SKOR2: variants seen among roughly 807,000 people sequenced by gnomAD.
SKOR2 encodes LBX1 corepressor 1-like protein.
A neutral mutation model predicts 69.1 loss-of-function variants in SKOR2; 47 were observed. That is an observed-to-expected ratio of 0.68 (90% confidence interval 0.54 to 0.87). The LOEUF is 0.87. SKOR2 is among the 40% of genes least tolerant of loss of function. The probability of loss-of-function intolerance (pLI) is 0.00; values close to 1 mark genes in which losing one functional copy is unlikely to be tolerated. For synonymous variants in SKOR2, 717 were observed against 672.6 expected, an observed-to-expected ratio of 1.07 and a Z score of -1.02; for missense variants, 1,404 against 1,472.2, an observed-to-expected ratio of 0.95 and a Z score of 0.76.
At chr18:47,245,023 C>A in intron 3 of SKOR2, 41 bp from the exon 4 acceptor site, 1 of 1,509,006 alleles carries the variant, frequency 6.6e-7, no homozygotes, top group Non-Finnish European at 8.8e-7. Flanking sequence ...AGTGATCCAA[C>A]TGACAAGAGG....
In SKOR2 at chr18:47,248,064, C is replaced by A. The variant is rs953322244; in HGVS notation, c.1120G>T (p.Ala374Ser). 20 of 1,415,904 alleles carry A rather than the reference C, an allele frequency of 1.4e-5. No homozygotes were observed. The highest frequency in any genetic ancestry group is 1.8e-5 in the Non-Finnish European group (19 of 1,085,528). 87.7% of individuals were successfully genotyped at this position (1,415,904 alleles called of 1,614,324 possible). Residue 374 changes from alanine (A) to serine (S), a missense_variant, in exon 2 of 9, where the codon GCC (alanine) becomes TCC (serine). Physicochemically the swap from Ala to Ser is moderately conservative, Grantham distance 99 (BLOSUM62 1). This residue lies in a region of SKOR2 where 1,266 missense variants were observed against 1,309.9 expected (regional missense o/e 0.97). Coordinates refer to ENST00000425639, the MANE Select transcript of SKOR2 (RefSeq NM_001278063.4). The surrounding 1 kb of genome is among the most constrained non-coding windows in gnomAD (Gnocchi z 6.4). ...ACTGGGTAGCTGCGCGGGCCTTTGG[C>A]CCCTGCCCCGGCACCCGCCCCCGCG... is the stretch of plus-strand genomic sequence containing the variant. ...AGAGAGAGAG[A>S]KGPRSYPVIP... is the part of the protein sequence containing the mutation.
At position 47,248,398 on chromosome 18, in the gene SKOR2, G is replaced by A. The variant is rs1365653342; in HGVS notation, c.786C>T (p.Ala262=). 2 of 1,361,108 alleles carry A rather than the reference G, an allele frequency of 1.5e-6. No homozygotes were observed. Among genetic ancestry groups the A allele is most frequent in the Non-Finnish European group, 9.4e-7 (1 of 1,066,584 alleles). The allele number at this position is 1,361,108 out of a possible 1,614,324, so 84.3% of individuals were successfully genotyped here. A position where few individuals can be genotyped will look rare whatever the true frequency, so the allele number is the denominator to read the frequency against. The change falls in exon 2 of 9, where the codon GCC becomes GCT. Residue 262 remains alanine (A), a synonymous_variant. Transcript: ENST00000425639. This position sits in a 1 kb window ranked among gnomAD's most constrained non-coding sequence, Gnocchi z 6.4. ...ACHPLSSVKA[A]AVAAAAAVAG... Reference sequence around the variant, plus strand: ...CCACCGCGGCCGCGGCGGCCACGGCGGCCGCCTTCACAGAGCTGAGCGGGT... The same window carrying A: ...CCACCGCGGCCGCGGCGGCCACGGCAGCCGCCTTCACAGAGCTGAGCGGGT...
intron 8 of SKOR2, among the ~76,000 whole-genome samples, chr18:47,209,755 G>A (rs1380698697): frequency 1.3e-5 from 2 of 152,106 alleles, no homozygotes; most frequent in Non-Finnish European, 2.9e-5. Flanking sequence ...GATGGGTTGG[G>A]GAAGTGTAAG....
At chr18:47,211,431 C>A (rs1238408255) in intron 8 of SKOR2, among the ~76,000 whole-genome samples, 1 of 152,158 alleles carries the variant, frequency 6.6e-6, no homozygotes, top group African/African-American at 2.4e-5. Flanking sequence ...CTTCCATGGG[C>A]TGAAAAAGTT....
chr18:47,223,422 G>A (rs2064167979), intron 6 of SKOR2, among the ~76,000 whole-genome samples: 1 of 152,140 alleles, frequency 6.6e-6, no homozygotes, highest in African/African-American at 2.4e-5. Flanking sequence ...GAAACTTTCT[G>A]GAAAGCAACT....
chr18:47,237,165 A>G (rs1326662806), intron 4 of SKOR2, among the ~76,000 whole-genome samples: 1 of 152,224 alleles, frequency 6.6e-6, no homozygotes, highest in Non-Finnish European at 1.5e-5. Flanking sequence ...TTGTTCCTAT[A>G]TGTGAAAAGC....
chr18:47,246,473 T>G (rs2064273667), intron 2 of SKOR2, 98 bp downstream of exon 2: 2 of 1,344,346 alleles, frequency 1.5e-6, no homozygotes, highest in South Asian at 3.3e-5. Flanking sequence ...TGGGGAAATC[T>G]GGTGATTCAT....
At chr18:47,243,145 T>C (rs2064256290) in intron 4 of SKOR2, among the ~76,000 whole-genome samples, 1 of 152,304 alleles carries the variant, frequency 6.6e-6, no homozygotes, top group East Asian at 1.9e-4. Context: ...TAGAGAGGAA[T>C]GGGAATTCTC....
Position 47,247,620 on chromosome 18 carries a change from T to C in SKOR2, c.1564A>G (p.Ser522Gly). ...CCCGGCGGGGGCGCGGCCTCGGCGC[T>C]CCCAGCAGCACCGCCTGGCTCAGCC... is the stretch of plus-strand genomic sequence containing the variant. ...DLAEPGGAAG[S>G]AEAAPPPGQP... Residue 522 changes from serine (S) to glycine (G), a missense_variant, in exon 2 of 9, where the codon AGC becomes GGC. Coordinates refer to ENST00000425639, the MANE Select transcript of SKOR2 (RefSeq NM_001278063.4). The surrounding 1 kb of genome is among the most constrained non-coding windows in gnomAD (Gnocchi z 6.6). 3 of 1,291,352 alleles carry C rather than the reference T, an allele frequency of 2.3e-6. No individual in the cohort carries two copies. In the East Asian group the frequency reaches 9.6e-5, roughly 41 times the overall value. The allele number at this position is 1,291,352 out of a possible 1,614,324, so 80.0% of individuals were successfully genotyped here.
At chr18:47,226,828 G>A (rs2064180395) in intron 6 of SKOR2, among the ~76,000 whole-genome samples, 1 of 152,148 alleles carries the variant, frequency 6.6e-6, no homozygotes, top group South Asian at 2.1e-4. Flanking sequence ...AACCCCAAGA[G>A]GTAGGTAGTA....
chr18:47,222,885 C>T (rs1333062111), intron 6 of SKOR2, among the ~76,000 whole-genome samples: 1 of 152,060 alleles, frequency 6.6e-6, no homozygotes, highest in African/African-American at 2.4e-5. Context: ...TGATAGTACA[C>T]TTAATATAAT....
At chr18:47,228,102 T>C (rs1363515392) in intron 6 of SKOR2, among the ~76,000 whole-genome samples, 1 of 152,188 alleles carries the variant, frequency 6.6e-6, no homozygotes, top group Non-Finnish European at 1.5e-5. Flanking sequence ...TCTGAGTGAA[T>C]CTAAATCTGT....
Position 47,225,581 on chromosome 18 carries a change from G to C in SKOR2, c.2917+4878C>G, listed in dbSNP as rs1377867337. Among the ~76,000 whole-genome samples the C allele has an allele frequency of 5.3e-5, 8 of 152,226 alleles. No homozygotes were observed. The East Asian group carries it at 1.2e-3, about 22-fold the overall frequency. ...TTACAATGTGGGTTGGGGGAGTGGA[G>C]AGTAACACGAGTGAAACAGAGGAGG... On this transcript the variant is annotated intron_variant, in intron 6 of 8. Transcript: ENST00000425639.
intron 6 of SKOR2, among the ~76,000 whole-genome samples, chr18:47,225,310 G>C (rs988966976): frequency 3.9e-5 from 6 of 152,052 alleles, no homozygotes; most frequent in African/African-American, 1.4e-4. Flanking sequence ...CTCAGTTCTT[G>C]TAAGTGCCAT....
At chr18:47,220,205 G>T (rs1224865030) in intron 6 of SKOR2, among the ~76,000 whole-genome samples, 195 bp from the exon 7 acceptor site, 1 of 151,808 alleles carries the variant, frequency 6.6e-6, no homozygotes, top group African/African-American at 2.4e-5. Context: ...AGTAAATTCT[G>T]AGTGTGTCTT....
chr18:47,238,581 C>T (rs1285542153), intron 4 of SKOR2, among the ~76,000 whole-genome samples: 1 of 152,024 alleles, frequency 6.6e-6, no homozygotes, highest in South Asian at 2.1e-4. Flanking sequence ...CCTCAGCCTC[C>T]CAAAGTGCTG....
chr18:47,232,892 A>T (rs2064205460), intron 4 of SKOR2, among the ~76,000 whole-genome samples: 1 of 152,180 alleles, frequency 6.6e-6, no homozygotes, highest in Non-Finnish European at 1.5e-5. Flanking sequence ...TTCTTTGCTG[A>T]GGTAAAAATT....
At chr18:47,227,277 G>A (rs967335252) in intron 6 of SKOR2, among the ~76,000 whole-genome samples, 54 of 145,552 alleles carry the variant, frequency 3.7e-4, no homozygotes, top group African/African-American at 1.3e-3. Flanking sequence ...CCATTCTTAC[G>A]ACCATTCCTG....
chr18:47,217,329 T>A (rs1306763070), intron 7 of SKOR2, among the ~76,000 whole-genome samples: 3 of 152,216 alleles, frequency 2.0e-5, no homozygotes, highest in Non-Finnish European at 4.4e-5. Context: ...AGGCCCTAGG[T>A]TAAACCTTAT....
Sources: allele counts gnomAD v4.1 joint callset (sites outside exome capture counted in the v4.1 genomes callset), GRCh38; gene constraint gnomAD v4.1.1; regional missense constraint gnomAD v4.1.1; non-coding constraint Gnocchi (gnomAD v3.1); transcripts MANE v1.5; gene names NCBI Gene and HGNC (gene_info 2026-07-23, HGNC 2026-07-21).